Variants in CHD6 observed in about 807,000 individuals in gnomAD.
CHD6 encodes ATP-dependent chromatin remodeler CHD6.
A neutral mutation model predicts 276.9 loss-of-function variants in CHD6; 50 were observed. That is an observed-to-expected ratio of 0.18 (90% CI 0.14 to 0.23). CHD6 has a LOEUF of 0.23. Ranked by LOEUF, CHD6 falls within the 10% of genes least tolerant of loss-of-function variation. The pLI, the probability that CHD6 is intolerant of heterozygous loss-of-function variation, is 1.00. For missense variants in CHD6, 2,564 were observed against 3,365.8 expected (o/e 0.76, Z 5.89); for synonymous variants, 1,173 against 1,229.3 (o/e 0.95, Z 0.96).
chr20:41,436,699 A>T (rs2047719693), intron 27 of CHD6, among the ~76,000 whole-genome samples: 1 of 152,220 alleles, frequency 6.6e-6, no homozygotes, highest in South Asian at 2.1e-4. Flanking sequence ...TGAACTGTTG[A>T]TACAGACAAC....
intron 1 of CHD6, among the ~76,000 whole-genome samples, chr20:41,590,254 A>T (rs1451175060): frequency 6.6e-6 from 1 of 152,250 alleles, no homozygotes; most frequent in Non-Finnish European, 1.5e-5. Context: ...CTAAAACCAT[A>T]AAAACGCTAG....
intron 31 of CHD6, among the ~76,000 whole-genome samples, chr20:41,418,957 C>T (rs2047092124): frequency 6.6e-6 from 1 of 152,242 alleles, no homozygotes; most frequent in Admixed American, 6.5e-5. Flanking sequence ...CTAAACCATA[C>T]TTATCTTTAC....
chr20:41,542,879 T>G (rs1204489677), intron 2 of CHD6, among the ~76,000 whole-genome samples: 3 of 151,246 alleles, frequency 2.0e-5, no homozygotes, highest in Non-Finnish European at 4.4e-5. Flanking sequence ...CTGAGGCGGG[T>G]GGATCACAAG....
chr20:41,551,179 T>C (rs1251901814), intron 2 of CHD6, 126 bp downstream of exon 2: 3 of 690,122 alleles, frequency 4.3e-6, no homozygotes, highest in Non-Finnish European at 7.7e-6. Context: ...TCTCAGTTAC[T>C]ATAATACAGG....
At chr20:41,415,139 C>T (rs1343914146) in intron 34 of CHD6, 47 bp downstream of exon 34, 1 of 1,532,812 alleles carries the variant, frequency 6.5e-7, no homozygotes, top group East Asian at 2.3e-5. Context: ...GTTTGTTTCT[C>T]AGTGTAGAAA....
chr20:41,440,473 T>A (rs1471801899), intron 25 of CHD6, among the ~76,000 whole-genome samples: 1 of 152,230 alleles, frequency 6.6e-6, no homozygotes, highest in Admixed American at 6.5e-5. Context: ...ATATCCTTTA[T>A]GGGCCTTGTT....
chr20:41,433,748 C>G (rs1358403607), intron 27 of CHD6, among the ~76,000 whole-genome samples: 1 of 152,124 alleles, frequency 6.6e-6, no homozygotes, highest in Non-Finnish European at 1.5e-5. Flanking sequence ...TGATGTTTGA[C>G]AGTTGAGGCA....
intron 2 of CHD6, 152 bp from the exon 3 acceptor site, chr20:41,533,722 A>G: frequency 1.4e-6 from 1 of 694,894 alleles, no homozygotes; most frequent in Non-Finnish European, 2.4e-6. Flanking sequence ...TTGGAGACAG[A>G]GTGGCAAACA....
rs144424135 is a variant in CHD6 at position 41,463,141 on chromosome 20, G to T, written c.2665-5713C>A. ...TGAACAGAACATCGAAATAAATATA[G>T]TAACAGATTATAACTCACTAAATAA... On this transcript the variant is annotated intron_variant, in intron 17 of 36. Transcript: ENST00000373233. 2.1e-3 allele frequency among the ~76,000 whole-genome samples: 320 copies of T among 152,238 alleles called. 1 individual carries two copies. Among genetic ancestry groups the T allele is most frequent in the Middle Eastern group, 3.4e-3 (1 of 294 alleles).
intron 2 of CHD6, among the ~76,000 whole-genome samples, chr20:41,548,969 C>A (rs969083942): frequency 6.6e-6 from 1 of 152,070 alleles, no homozygotes; most frequent in Non-Finnish European, 1.5e-5. Flanking sequence ...GTTAGAATGG[C>A]GTTCATTAAA....
Position 41,578,830 on chromosome 20 carries a change from A to G in CHD6, c.-23-27470T>C, listed in dbSNP as rs531282424. Among the ~76,000 whole-genome samples the G allele has an allele frequency of 7.9e-5, 12 of 151,274 alleles. No homozygotes were observed. The South Asian group carries it at 2.5e-3, about 32-fold the overall frequency. ...GATCACTTGAGCCCAGGAGCTGGAT[A>G]TCAACCTAGACAACATAGCAAGGCC... On this transcript the variant is annotated intron_variant, in intron 1 of 36. Coordinates refer to ENST00000373233, the MANE Select transcript of CHD6 (RefSeq NM_032221.5).
intron 2 of CHD6, among the ~76,000 whole-genome samples, chr20:41,549,785 A>T (rs1055743727): frequency 6.6e-6 from 1 of 152,068 alleles, no homozygotes; most frequent in Admixed American, 6.6e-5. Flanking sequence ...AATAGTTTTG[A>T]GGGTCTGGGG....
chr20:41,511,805 A>C (rs1476234830), intron 5 of CHD6, among the ~76,000 whole-genome samples: 3 of 152,090 alleles, frequency 2.0e-5, no homozygotes, highest in Admixed American at 1.3e-4. Flanking sequence ...TGTCTTCTAT[A>C]CATCTGACCA....
chr20:41,579,354 C>T (rs529894320), intron 1 of CHD6, among the ~76,000 whole-genome samples: 10 of 145,738 alleles, frequency 6.9e-5, no homozygotes, highest in Non-Finnish European at 1.3e-4. Flanking sequence ...AGGAGAGGTG[C>T]TTGAGCCCAG....
chr20:41,614,007 T>G (rs2045912810), intron 1 of CHD6, among the ~76,000 whole-genome samples: 1 of 146,192 alleles, frequency 6.8e-6, no homozygotes, highest in Non-Finnish European at 1.5e-5. Flanking sequence ...AATCTTAGAG[T>G]ATAAAAAAAA....
chr20:41,605,407 C>A (rs1160558284), intron 1 of CHD6, among the ~76,000 whole-genome samples: 4 of 152,126 alleles, frequency 2.6e-5, no homozygotes, highest in African/African-American at 9.7e-5. Flanking sequence ...TAATACTATT[C>A]CCATTCACAA....
chr20:41,467,135 C>T (rs921769430), intron 17 of CHD6, among the ~76,000 whole-genome samples: 15 of 151,994 alleles, frequency 9.9e-5, no homozygotes, highest in African/African-American at 2.2e-4. Flanking sequence ...TTGGGAGAGC[C>T]GAGGCCACAA....
rs536427489 is a variant in CHD6 at position 41,409,330 on chromosome 20, G to C, written c.7251+2814C>G. On this transcript the variant is annotated intron_variant, in intron 36 of 36. Coordinates refer to ENST00000373233, the MANE Select transcript of CHD6 (RefSeq NM_032221.5). ...GTAATTATACCCTGGGAGCAAACCT[G>C]CTTCCCCTTCCAGGAAAGGCCTGCG... Among the ~76,000 whole-genome samples, 3 of 152,304 alleles carry C rather than the reference G, an allele frequency of 2.0e-5. No homozygotes were observed. The East Asian group carries it at 5.8e-4, about 29-fold the overall frequency.
intron 17 of CHD6, among the ~76,000 whole-genome samples, chr20:41,465,141 G>A (rs1464739613): frequency 1.3e-5 from 2 of 152,120 alleles, no homozygotes; most frequent in African/African-American, 2.4e-5. Context: ...AACCATTGAT[G>A]GAAGCTAAAA....
Sources: gnomAD v4.1 joint callset for allele counts (sites outside exome capture counted in the v4.1 genomes callset) on GRCh38, gnomAD v4.1.1 for gene constraint, MANE v1.5 for transcripts, NCBI Gene and HGNC (gene_info 2026-07-23, HGNC 2026-07-21) for gene names.